The following REDIC1 variants were observed in gnomAD, a reference collection of about 807,000 sequenced individuals.
The protein encoded by REDIC1 is regulator of DNA class I crossover intermediates 1.
the REDIC1 span, chr12:39,720,752 C>A: frequency 1.4e-6 from 2 of 1,465,442 alleles, no homozygotes; most frequent in Non-Finnish European, 1.9e-6. Flanking sequence ...AAAATGTAAG[C>A]ATGGTTTAGA....
the REDIC1 span, among the ~76,000 whole-genome samples, chr12:39,844,472 A>G: frequency 6.6e-6 from 1 of 152,228 alleles, no homozygotes; most frequent in South Asian, 2.1e-4. Context: ...AATATTCCCT[A>G]ATTTTTAGTA....
At chr12:39,713,825 A>G in the REDIC1 span, among the ~76,000 whole-genome samples, 2 of 146,788 alleles carry the variant, frequency 1.4e-5, no homozygotes, top group Non-Finnish European at 3.1e-5. Flanking sequence ...ATACGTGTAT[A>G]CATGTATATA....
chr12:39,714,091 GTACA>G, the REDIC1 span, among the ~76,000 whole-genome samples: 5 of 8,208 alleles, frequency 6.1e-4, no homozygotes, highest in Non-Finnish European at 1.5e-3. Context: ...ACACATATAT[GTACA>G]TGTATATACG....
At chr12:39,714,263 ATATATG>A in the REDIC1 span, among the ~76,000 whole-genome samples, 2 of 111,224 alleles carry the variant, frequency 1.8e-5, no homozygotes, top group Admixed American at 8.7e-5. Flanking sequence ...ATATGCATGC[ATATATG>A]TATATATGTA....
At chr12:39,667,134 C>T in the REDIC1 span, among the ~76,000 whole-genome samples, 7 of 152,082 alleles carry the variant, frequency 4.6e-5, no homozygotes, top group African/African-American at 1.7e-4. Context: ...GCTCTTGCTT[C>T]TCTAGTTCTT....
chr12:39,738,364 A>G, the REDIC1 span, among the ~76,000 whole-genome samples: 44 of 152,290 alleles, frequency 2.9e-4, no homozygotes, highest in African/African-American at 1.1e-3. Flanking sequence ...TTCATATATC[A>G]TTTACGAATT....
chr12:39,785,092 T>G, the REDIC1 span, among the ~76,000 whole-genome samples: 2 of 152,164 alleles, frequency 1.3e-5, no homozygotes, highest in African/African-American at 4.8e-5. Context: ...GAAATTTGCA[T>G]AAGTAGCAAG....
At chr12:39,633,023 A>T in the REDIC1 span, among the ~76,000 whole-genome samples, 5 of 152,176 alleles carry the variant, frequency 3.3e-5, no homozygotes, top group South Asian at 1.0e-3. Context: ...TTCTTTCTTT[A>T]GTAATAAATT....
At chr12:39,689,209 A>G in the REDIC1 span, among the ~76,000 whole-genome samples, 2 of 152,188 alleles carry the variant, frequency 1.3e-5, no homozygotes, top group Non-Finnish European at 2.9e-5. Context: ...GCCCCAAGGG[A>G]TAATGGAGCC....
chr12:39,730,044 A>G, the REDIC1 span, among the ~76,000 whole-genome samples: 1 of 152,088 alleles, frequency 6.6e-6, no homozygotes, highest in African/African-American at 2.4e-5. Context: ...TTTTGAGCCT[A>G]TGTGTGTCTT....
the REDIC1 span, among the ~76,000 whole-genome samples, chr12:39,671,820 A>G: frequency 6.6e-6 from 1 of 151,856 alleles, no homozygotes; most frequent in Admixed American, 6.6e-5. Context: ...GGATGGGGAG[A>G]TCTCCAGGCC....
the REDIC1 span, chr12:39,643,707 CTTTT>C: frequency 9.0e-7 from 1 of 1,111,032 alleles, no homozygotes; most frequent in African/African-American, 1.6e-5. Flanking sequence ...AACATGATTG[CTTTT>C]TTATTATTTA....
the REDIC1 span, among the ~76,000 whole-genome samples, chr12:39,804,000 A>G: frequency 6.6e-6 from 1 of 152,296 alleles, no homozygotes. Context: ...GATACAGTAC[A>G]GGAAGAAGAA....
At chr12:39,802,591 A>C in the REDIC1 span, among the ~76,000 whole-genome samples, 1 of 152,204 alleles carries the variant, frequency 6.6e-6, no homozygotes, top group African/African-American at 2.4e-5. Flanking sequence ...GAAAACTTGT[A>C]TGTTTCTGTG....
At chr12:39,635,717 A>C in the REDIC1 span, among the ~76,000 whole-genome samples, 1 of 152,090 alleles carries the variant, frequency 6.6e-6, no homozygotes, top group Non-Finnish European at 1.5e-5. Context: ...GGGTGCAGGA[A>C]ACCAACATGG....
chr12:39,705,161 A>C, the REDIC1 span, among the ~76,000 whole-genome samples: 1 of 152,064 alleles, frequency 6.6e-6, no homozygotes, highest in Non-Finnish European at 1.5e-5. Context: ...AATTCAAAGG[A>C]TCATTCGTGG....
the REDIC1 span, among the ~76,000 whole-genome samples, chr12:39,722,758 G>T: frequency 6.6e-6 from 1 of 152,146 alleles, no homozygotes; most frequent in Non-Finnish European, 1.5e-5. Context: ...ACCACTTACA[G>T]TGACAGCAGA....
the REDIC1 span, among the ~76,000 whole-genome samples, chr12:39,666,622 A>T: frequency 2.0e-5 from 3 of 152,112 alleles, no homozygotes; most frequent in African/African-American, 7.2e-5. Context: ...TACTGATTGG[A>T]ATAGTTTCAG....
the REDIC1 span, among the ~76,000 whole-genome samples, chr12:39,722,192 T>G: frequency 0.79 from 120,484 of 151,902 alleles, 48,491 homozygotes; most frequent in Non-Finnish European, 0.87. Flanking sequence ...CTCAAGAGTC[T>G]GTGTTGCAGA....
Sources: gnomAD v4.1 joint callset for allele counts (sites outside exome capture counted in the v4.1 genomes callset) on GRCh38, gnomAD v4.1.1 for gene constraint, MANE v1.5 for transcripts, NCBI Gene and HGNC (gene_info 2026-07-23, HGNC 2026-07-21) for gene names.